Variants in NFIB observed in about 807,000 individuals in gnomAD.
NFIB encodes the protein nuclear factor I B, also known as nuclear factor 1 B-type.
NFIB carries 11 observed loss-of-function variants against 61.5 expected under a neutral mutation model. That is an observed-to-expected ratio of 0.18 (90% CI 0.11 to 0.30). NFIB has a LOEUF of 0.30. NFIB is among the 10% of genes least tolerant of loss of function. NFIB has a pLI of 1.00. For synonymous variants in NFIB, 260 were observed against 216.5 expected (o/e 1.20, Z -1.76); for missense variants, 471 against 608.9 (o/e 0.77, Z 2.38).
intron 10 of NFIB, among the ~76,000 whole-genome samples, chr9:14,105,339 C>T (rs1326711572): frequency 1.3e-5 from 2 of 151,952 alleles, no homozygotes; most frequent in African/African-American, 2.4e-5. Context: ...TAATTTAATG[C>T]CAAATAAATT....
chr9:14,188,966 TC>T (rs1353044639), intron 2 of NFIB, among the ~76,000 whole-genome samples: 1 of 152,202 alleles, frequency 6.6e-6, no homozygotes, highest in Admixed American at 6.5e-5. Context: ...ATGCAGAATT[TC>T]AACATAAAAC....
At chr9:14,497,868 G>A in the NFIB span, among the ~76,000 whole-genome samples, 84 of 152,284 alleles carry the variant, frequency 5.5e-4, 1 homozygote, top group South Asian at 7.0e-3. Context: ...CATTTCTACT[G>A]CCAACTGCTA....
chr9:14,196,775 T>G (rs1001766866), intron 2 of NFIB, among the ~76,000 whole-genome samples: 1 of 151,660 alleles, frequency 6.6e-6, no homozygotes, highest in Admixed American at 6.6e-5. Context: ...AAAAGAAAAA[T>G]CAGACTACTT....
the NFIB span, among the ~76,000 whole-genome samples, chr9:14,452,870 A>G: frequency 3.9e-5 from 6 of 152,370 alleles, no homozygotes; most frequent in African/African-American, 1.2e-4. Context: ...GGAGAATCCT[A>G]TTAGTTTGGA....
chr9:14,110,490 T>C (rs1027665756), intron 10 of NFIB, among the ~76,000 whole-genome samples: 5 of 152,096 alleles, frequency 3.3e-5, no homozygotes, highest in Admixed American at 2.0e-4. Context: ...ATAACATGAT[T>C]GATTACCTTT....
the NFIB span, among the ~76,000 whole-genome samples, chr9:14,427,963 T>TTTC: frequency 2.2e-5 from 3 of 138,098 alleles, no homozygotes; most frequent in African/African-American, 8.4e-5. Flanking sequence ...TTTTTTTTTT[T>TTTC]TGGCAGGATC....
chr9:14,247,056 C>G (rs932247805), intron 2 of NFIB, among the ~76,000 whole-genome samples: 4 of 152,052 alleles, frequency 2.6e-5, no homozygotes, highest in African/African-American at 9.7e-5. Context: ...CTGCAAACCA[C>G]GAAGAGAGCC....
the NFIB span, among the ~76,000 whole-genome samples, chr9:14,477,450 T>C: frequency 9.9e-5 from 15 of 152,176 alleles, no homozygotes; most frequent in East Asian, 3.9e-4. Context: ...AATAATGAGA[T>C]TGGCCTAAAA....
At chr9:14,437,507 A>G in the NFIB span, among the ~76,000 whole-genome samples, 1 of 152,182 alleles carries the variant, frequency 6.6e-6, no homozygotes, top group Non-Finnish European at 1.5e-5. Context: ...CCCCTTCCAG[A>G]GTTTTAAAAG....
chr9:14,118,238 G>A (rs2038420003), intron 8 of NFIB, among the ~76,000 whole-genome samples: 1 of 152,024 alleles, frequency 6.6e-6, no homozygotes, highest in Admixed American at 6.6e-5. Flanking sequence ...AAAGAAGACA[G>A]GTCTCATTTT....
At chr9:14,273,525 T>C (rs771447796) in intron 2 of NFIB, among the ~76,000 whole-genome samples, 5 of 152,166 alleles carry the variant, frequency 3.3e-5, no homozygotes, top group Non-Finnish European at 5.9e-5. Context: ...CCCAGACACA[T>C]TGACACACAG....
chr9:14,247,029 A>G (rs1012017015), intron 2 of NFIB, among the ~76,000 whole-genome samples: 1 of 152,088 alleles, frequency 6.6e-6, no homozygotes, highest in Non-Finnish European at 1.5e-5. Context: ...TCTGAGACAC[A>G]ATAAGCAGGT....
chr9:14,320,399 T>C (rs996424975), intron 1 of NFIB, among the ~76,000 whole-genome samples: 3 of 152,338 alleles, frequency 2.0e-5, no homozygotes, highest in African/African-American at 4.8e-5. Flanking sequence ...ATCTGTAGTA[T>C]ATTGCGTCAG....
intron 2 of NFIB, among the ~76,000 whole-genome samples, chr9:14,253,249 C>A (rs1009520467): frequency 3.9e-5 from 6 of 152,194 alleles, no homozygotes; most frequent in African/African-American, 1.4e-4. Flanking sequence ...TATCCTACTG[C>A]TAACATAACA....
chr9:14,287,042 G>A (rs887296393), intron 2 of NFIB, among the ~76,000 whole-genome samples: 1 of 152,134 alleles, frequency 6.6e-6, no homozygotes, highest in East Asian at 1.9e-4. Context: ...TGAGGAGATG[G>A]GGAAGTACAG....
intron 1 of NFIB, among the ~76,000 whole-genome samples, chr9:14,328,048 A>T (rs2060776048): frequency 6.6e-6 from 1 of 152,214 alleles, no homozygotes; most frequent in African/African-American, 2.4e-5. Flanking sequence ...TGACAAGCAA[A>T]TATGGAGGTC....
chr9:14,171,270 T>C (rs960009985), intron 3 of NFIB, among the ~76,000 whole-genome samples: 1 of 152,206 alleles, frequency 6.6e-6, no homozygotes, highest in Admixed American at 6.5e-5. Flanking sequence ...TTTCCCCTTC[T>C]TCCATGTGAA....
intron 2 of NFIB, among the ~76,000 whole-genome samples, chr9:14,246,849 C>T (rs1286272979): frequency 1.3e-5 from 2 of 152,160 alleles, no homozygotes; most frequent in Non-Finnish European, 2.9e-5. Context: ...CCCAGTGTAA[C>T]TGCATTTGGA....
chr9:14,417,893 G>T, the NFIB span, among the ~76,000 whole-genome samples: 1 of 145,906 alleles, frequency 6.9e-6, no homozygotes, highest in East Asian at 2.0e-4. Flanking sequence ...TGATTCTCCT[G>T]CCTCAGCCTC....
Sources: allele counts gnomAD v4.1 joint callset (sites outside exome capture counted in the v4.1 genomes callset), GRCh38; gene constraint gnomAD v4.1.1; transcripts MANE v1.5; gene names NCBI Gene and HGNC (gene_info 2026-07-23, HGNC 2026-07-21).